Variants in CEP63 observed in about 807,000 individuals in gnomAD.
CEP63 encodes centrosomal protein of 63 kDa.
Under a neutral mutation model 89.1 loss-of-function variants are expected in CEP63, and 84 were observed. The ratio of observed to expected loss-of-function variants is 0.94; its 90% confidence interval spans 0.79 to 1.13. CEP63 has a LOEUF of 1.13. CEP63 is among the 50% of genes most tolerant of loss of function. The probability of loss-of-function intolerance (pLI) is 0.00; values close to 1 mark genes in which losing one functional copy is unlikely to be tolerated. For synonymous variants in CEP63, 267 were observed against 272.5 expected, an observed-to-expected ratio of 0.98 and a Z score of 0.20; for missense variants, 838 against 813.3, an observed-to-expected ratio of 1.03 and a Z score of -0.37.
At chr3:134,569,751 G>C (rs116550916), downstream of CEP63, among the ~76,000 whole-genome samples, 2,980 of 152,302 alleles carry the variant, frequency 0.02, 124 homozygotes, top group South Asian at 0.12. Flanking sequence ...TACCCTAGTG[G>C]GGACTCTGTG....
At chr3:134,614,715 G>A in the CEP63 span, among the ~76,000 whole-genome samples, 3 of 152,186 alleles carry the variant, frequency 2.0e-5, no homozygotes, top group African/African-American at 7.2e-5. Flanking sequence ...GTATCCTAGT[G>A]TATTAATTTG....
chr3:134,657,500 A>G, the CEP63 span, among the ~76,000 whole-genome samples: 1 of 152,066 alleles, frequency 6.6e-6, no homozygotes, highest in Non-Finnish European at 1.5e-5. Context: ...TTTACTAAAA[A>G]CTCTTCAAAA....
At chr3:134,533,895 A>T (rs1007086978) in intron 5 of CEP63, among the ~76,000 whole-genome samples, 2 of 152,192 alleles carry the variant, frequency 1.3e-5, no homozygotes, top group Admixed American at 6.5e-5. Flanking sequence ...ATATCTCAAT[A>T]TTTTTTTACA....
intron 10 of CEP63, among the ~76,000 whole-genome samples, chr3:134,584,985 G>A (rs1209315996): frequency 3.7e-5 from 3 of 80,928 alleles, no homozygotes; most frequent in African/African-American, 5.5e-5. Flanking sequence ...GCATGGAGGT[G>A]TTTATAGTAT....
chr3:134,651,389 C>T, the CEP63 span: 1 of 1,090,506 alleles, frequency 9.2e-7, no homozygotes, highest in Non-Finnish European at 1.1e-6. Context: ...GGGCTGGAGC[C>T]GACCTCCCAC....
the CEP63 span, among the ~76,000 whole-genome samples, chr3:134,687,107 C>T: frequency 0.45 from 69,062 of 151,984 alleles, 16,394 homozygotes; most frequent in East Asian, 0.69. Flanking sequence ...CACAATGGTC[C>T]TACAAGCTAT....
At chr3:134,744,118 C>A in the CEP63 span, among the ~76,000 whole-genome samples, 1,423 of 152,206 alleles carry the variant, frequency 9.3e-3, 17 homozygotes, top group African/African-American at 0.031. Context: ...TAACTAGAGC[C>A]CTATCCATAA....
At chr3:134,610,176 A>T in the CEP63 span, 1 of 1,605,638 alleles carries the variant, frequency 6.2e-7, no homozygotes, top group South Asian at 1.1e-5. Flanking sequence ...CGCCCAGCAG[A>T]ACTGAGACAA....
chr3:134,576,818 G>A (rs1958223951), downstream of CEP63, among the ~76,000 whole-genome samples: 1 of 151,966 alleles, frequency 6.6e-6, no homozygotes, highest in African/African-American at 2.4e-5. Flanking sequence ...CACGCGTGGG[G>A]TGACTTGGAG....
At chr3:134,664,212 C>A in the CEP63 span, among the ~76,000 whole-genome samples, 99 of 152,306 alleles carry the variant, frequency 6.5e-4, no homozygotes, top group African/African-American at 2.2e-3. Flanking sequence ...CCTAAAAAGG[C>A]CGTCTAGGAA....
At chr3:134,698,295 G>T in the CEP63 span, among the ~76,000 whole-genome samples, 1 of 152,224 alleles carries the variant, frequency 6.6e-6, no homozygotes, top group African/African-American at 2.4e-5. Context: ...GCTGACTCTG[G>T]AAAGTTCTAC....
At chr3:134,714,682 CCTGGCCAG>C in the CEP63 span, among the ~76,000 whole-genome samples, 1 of 152,210 alleles carries the variant, frequency 6.6e-6, no homozygotes, top group Non-Finnish European at 1.5e-5. Context: ...TCTAGCTATC[CCTGGCCAG>C]CAGCTCAGCT....
chr3:134,537,255 CAG>C lies in CEP63; in HGVS notation c.546_547del (p.Glu182AspfsTer20). 1.2e-6 allele frequency: 2 copies of C among 1,607,820 alleles called. No individual in the cohort carries two copies. Among genetic ancestry groups the C allele is most frequent in the Non-Finnish European group, 1.7e-6 (2 of 1,174,256 alleles). On this transcript the variant is annotated frameshift_variant, in exon 6 of 15. Coordinates refer to ENST00000675561, the MANE Select transcript of CEP63 (RefSeq NM_001353108.3). LOFTEE classifies it high-confidence loss of function. ...CAAAGGAAGGCTCTGGCTGAACAAT[CAG>C]AGATAATTCAGGTAGGCCTAAGACT...
downstream of CEP63, among the ~76,000 whole-genome samples, chr3:134,579,878 T>G (rs1467612607): frequency 6.6e-6 from 1 of 152,204 alleles, no homozygotes; most frequent in Non-Finnish European, 1.5e-5. Context: ...GAAGTACTCA[T>G]ACATGCTACA....
the CEP63 span, among the ~76,000 whole-genome samples, chr3:134,628,432 G>C: frequency 2.0e-5 from 3 of 152,228 alleles, no homozygotes; most frequent in African/African-American, 7.2e-5. Context: ...TTGGGTCCCT[G>C]ATGGGATCAG....
At chr3:134,556,827 G>A (rs1956278042) in intron 12 of CEP63, among the ~76,000 whole-genome samples, 1 of 152,048 alleles carries the variant, frequency 6.6e-6, no homozygotes, top group Non-Finnish European at 1.5e-5. Flanking sequence ...TGTAGTAATT[G>A]TTTATAAAAT....
the CEP63 span, among the ~76,000 whole-genome samples, chr3:134,750,851 G>A: frequency 6.6e-6 from 1 of 152,314 alleles, no homozygotes; most frequent in East Asian, 1.9e-4. Flanking sequence ...AAAAAATTGA[G>A]ATGAAATTTC....
the CEP63 span, among the ~76,000 whole-genome samples, chr3:134,773,998 A>T: frequency 6.6e-6 from 1 of 152,238 alleles, no homozygotes; most frequent in Non-Finnish European, 1.5e-5. Flanking sequence ...CCAGCAGGCA[A>T]CAGGGACTCA....
chr3:134,548,318 A>C (rs1954032587), intron 9 of CEP63, among the ~76,000 whole-genome samples: 2 of 152,314 alleles, frequency 1.3e-5, no homozygotes, highest in South Asian at 4.1e-4. Context: ...GAAGCAGGGT[A>C]GGAAGGGGTA....
Sources: gnomAD v4.1 joint callset for allele counts (sites outside exome capture counted in the v4.1 genomes callset) on GRCh38, gnomAD v4.1.1 for gene constraint, MANE v1.5 for transcripts, NCBI Gene and HGNC (gene_info 2026-07-23, HGNC 2026-07-21) for gene names.